The following SESTD1 variants were observed in gnomAD, a reference collection of about 807,000 sequenced individuals.
SESTD1 encodes the protein SEC14 domain and spectrin repeat-containing protein 1.
In SESTD1, 43 loss-of-function variants were observed where a neutral mutation model predicts 101.7. That is an observed-to-expected ratio of 0.42 (90% CI 0.33 to 0.55). The LOEUF (loss-of-function observed/expected upper bound fraction) is 0.55. SESTD1 is among the 20% of genes least tolerant of loss of function. The pLI, the probability that SESTD1 is intolerant of heterozygous loss-of-function variation, is 0.07. For synonymous variants in SESTD1, 283 were observed against 286.8 expected (o/e 0.99, Z 0.13); for missense variants, 647 against 815.1 (o/e 0.79, Z 2.51).
chr2:179,188,717 A>G (rs1485127184), intron 2 of SESTD1, among the ~76,000 whole-genome samples: 4 of 152,018 alleles, frequency 2.6e-5, no homozygotes, highest in Admixed American at 2.6e-4. Context: ...ACTAAGAAAG[A>G]AAAAAAAGAG....
At chr2:179,219,713 G>A (rs1179140937) in intron 1 of SESTD1, among the ~76,000 whole-genome samples, 2 of 152,194 alleles carry the variant, frequency 1.3e-5, no homozygotes, top group Non-Finnish European at 2.9e-5. Flanking sequence ...GAAATTTTAT[G>A]TAATTTGTGT....
intron 4 of SESTD1, among the ~76,000 whole-genome samples, 174 bp from the exon 5 acceptor site, chr2:179,172,407 C>G (rs985630509): frequency 1.3e-5 from 2 of 152,010 alleles, no homozygotes; most frequent in African/African-American, 4.8e-5. Flanking sequence ...TAAAGAAGAA[C>G]TTGAAAGACA....
chr2:179,107,830 G>T lies in SESTD1; in HGVS notation c.*2069C>A, dbSNP rs2044417286. 6.6e-6 allele frequency: 1 copy of T among 151,960 alleles called. No homozygotes were observed. The highest frequency in any genetic ancestry group is 1.5e-5 in the Non-Finnish European group (1 of 68,014). 9.4% of individuals were successfully genotyped at this position (151,960 alleles called of 1,614,324 possible). On this transcript the variant is annotated 3_prime_UTR_variant, in exon 18 of 18. Transcript: ENST00000428443. The stretch of plus-strand genomic sequence containing the variant: ...ACAGACATAAACAACTGTAGAATGT[G>T]ATAGCACCATCATGAAGACTGAAAT...
intron 1 of SESTD1, among the ~76,000 whole-genome samples, chr2:179,228,485 G>A (rs1243222190): frequency 6.6e-6 from 1 of 152,118 alleles, no homozygotes; most frequent in Admixed American, 6.5e-5. Flanking sequence ...GTGGGAATGG[G>A]GTCTGTCTTT....
chr2:179,251,074 T>A (rs902004309), intron 1 of SESTD1, among the ~76,000 whole-genome samples: 3 of 152,176 alleles, frequency 2.0e-5, no homozygotes. Context: ...TACCACAGAA[T>A]ACTACTCAGT....
chr2:179,191,466 C>T (rs775729598), intron 2 of SESTD1, among the ~76,000 whole-genome samples: 12 of 152,020 alleles, frequency 7.9e-5, no homozygotes, highest in Non-Finnish European at 1.0e-4. Flanking sequence ...TGAAAAACTA[C>T]CTACTGGGTA....
chr2:179,185,691 T>A (rs1301428834), intron 2 of SESTD1, among the ~76,000 whole-genome samples: 1 of 126,148 alleles, frequency 7.9e-6, no homozygotes, highest in Non-Finnish European at 1.5e-5. Context: ...TTATATATAA[T>A]ATAGTATATT....
At chr2:179,191,301 T>C in intron 2 of SESTD1, among the ~76,000 whole-genome samples, 1 of 152,150 alleles carries the variant, frequency 6.6e-6, no homozygotes, top group African/African-American at 2.4e-5. Context: ...CCAGAGGCCA[T>C]CATCCTAGGT....
chr2:179,185,734 A>ATATAATATAGTATATTATATACAAT (rs1559134349), intron 2 of SESTD1, among the ~76,000 whole-genome samples: 1 of 55,158 alleles, frequency 1.8e-5, no homozygotes, highest in African/African-American at 9.2e-5. Context: ...TATTATATAT[A>ATATAATATAGTATATTATATACAAT]ATATAATATA....
chr2:179,211,983 ACTTGAT>A (rs2046656693), intron 1 of SESTD1, among the ~76,000 whole-genome samples: 1 of 134,278 alleles, frequency 7.4e-6, no homozygotes, highest in Non-Finnish European at 1.6e-5. Context: ...ACCAAACACC[ACTTGAT>A]CCCCAAAAAC....
intron 1 of SESTD1, among the ~76,000 whole-genome samples, chr2:179,230,347 G>T (rs2046969056): frequency 6.6e-6 from 1 of 151,524 alleles, no homozygotes; most frequent in Non-Finnish European, 1.5e-5. Flanking sequence ...TGTTGCCCAG[G>T]CTGGTCTCAA....
intron 10 of SESTD1, among the ~76,000 whole-genome samples, chr2:179,127,593 C>T (rs1017182449): frequency 2.6e-5 from 4 of 152,204 alleles, no homozygotes; most frequent in African/African-American, 9.7e-5. Context: ...AATGGGGATG[C>T]CACTGCATGC....
chr2:179,117,327 GATTTCATTGAGAAAATTA>G (rs1423443717), intron 14 of SESTD1, among the ~76,000 whole-genome samples, 187 bp downstream of exon 14: 1 of 152,112 alleles, frequency 6.6e-6, no homozygotes, highest in African/African-American at 2.4e-5. Flanking sequence ...GATTATAGAG[GATTTCATTGAGAAAATTA>G]AGTTAAATGA....
Position 179,109,158 on chromosome 2 carries a change from T to C in SESTD1, c.*741A>G, listed in dbSNP as rs2044452888. ...TGATAAAACATGCTTATTTATTATA[T>C]ACACATGCTTACATATGTATTTCCT... On this transcript the variant is annotated 3_prime_UTR_variant, in exon 18 of 18. Transcript: ENST00000428443. 6.6e-6 allele frequency: 1 copy of C among 152,610 alleles called. No homozygotes were observed. Among genetic ancestry groups the C allele is most frequent in the African/African-American group, 2.4e-5 (1 of 41,448 alleles). 9.5% of individuals were successfully genotyped at this position (152,610 alleles called of 1,614,324 possible). A position where few individuals can be genotyped will look rare whatever the true frequency, so the allele number is the denominator to read the frequency against.
At chr2:179,250,109 T>G (rs1408256238) in intron 1 of SESTD1, among the ~76,000 whole-genome samples, 1 of 151,964 alleles carries the variant, frequency 6.6e-6, no homozygotes, top group East Asian at 1.9e-4. Context: ...ATAAATTACT[T>G]AACAAACCAC....
intron 1 of SESTD1, among the ~76,000 whole-genome samples, chr2:179,254,482 T>C (rs536604622): frequency 2.0e-5 from 3 of 152,236 alleles, no homozygotes; most frequent in African/African-American, 4.8e-5. Context: ...CACCCACCTA[T>C]GTGCTATTTA....
intron 5 of SESTD1, among the ~76,000 whole-genome samples, chr2:179,169,157 A>T (rs561624945): frequency 3.3e-4 from 51 of 152,288 alleles, no homozygotes; most frequent in African/African-American, 1.1e-3. Flanking sequence ...AAAGACAGAG[A>T]TTGTTAAACT....
chr2:179,253,314 G>A (rs573699825), intron 1 of SESTD1, among the ~76,000 whole-genome samples: 1 of 152,176 alleles, frequency 6.6e-6, no homozygotes, highest in Non-Finnish European at 1.5e-5. Flanking sequence ...TTTTCTAGAT[G>A]GTTCCTGAAA....
At chr2:179,164,290 T>C (rs1022651652) in intron 5 of SESTD1, among the ~76,000 whole-genome samples, 26 of 152,244 alleles carry the variant, frequency 1.7e-4, no homozygotes, top group Middle Eastern at 3.4e-3. Context: ...TACAATTATG[T>C]ATAGTCTCAA....
Sources: gnomAD v4.1 joint callset for allele counts (sites outside exome capture counted in the v4.1 genomes callset) on GRCh38, gnomAD v4.1.1 for gene constraint, MANE v1.5 for transcripts, NCBI Gene and HGNC (gene_info 2026-07-23, HGNC 2026-07-21) for gene names.